The following ZNF329 variants were observed in gnomAD, a reference collection of about 807,000 sequenced individuals.
ZNF329 encodes zinc finger protein 329.
A neutral mutation model predicts 26.6 loss-of-function variants in ZNF329; 15 were observed. The observed-to-expected ratio is 0.56, with a 90% CI of 0.38 to 0.87. ZNF329 has a LOEUF of 0.87. Ranked by LOEUF, ZNF329 falls within the 40% of genes least tolerant of loss-of-function variation. The probability of loss-of-function intolerance (pLI) is 0.00; values close to 1 mark genes in which losing one functional copy is unlikely to be tolerated. For missense variants in ZNF329, 651 were observed against 651.9 expected (o/e 1.00, Z 0.02); for synonymous variants, 239 against 233.5 (o/e 1.02, Z -0.21).
chr19:58,137,058 TAAAA>T (rs11355450), intron 3 of ZNF329: 10 of 123,886 alleles, frequency 8.1e-5, no homozygotes, highest in African/African-American at 2.6e-4. Context: ...TAAGTACAGA[TAAAA>T]AAAAAAAAAA....
rs2074844579 is a variant in ZNF329, at chr19:58,128,181, G to A, written c.1323C>T (p.Gly441=). ...TATGAGTCCTCTGGTGCCTAATGAGGCCAGCGATATTCCTGAAAAGTTTCT... is the reference window on the plus strand; with the variant it reads ...TATGAGTCCTCTGGTGCCTAATGAGACCAGCGATATTCCTGAAAAGTTTCT... The part of the protein sequence containing the change: ...QCQKLFRNIA[G]LIRHQRTHTG... The change falls in exon 4 of 4, where the codon GGC becomes GGT. Residue 441 remains glycine, a synonymous_variant. Transcript: ENST00000598312. 1.9e-6 allele frequency: 3 copies of A among 1,587,054 alleles called. No homozygotes were observed. The highest frequency in any genetic ancestry group is 1.2e-5 in the South Asian group (1 of 85,782).
chr19:58,147,309 G>A (rs1370888804), intron 1 of ZNF329, among the ~76,000 whole-genome samples: 1 of 148,584 alleles, frequency 6.7e-6, no homozygotes, highest in South Asian at 2.1e-4. Flanking sequence ...GAGCCCCTCC[G>A]CCAGGCAGCC....
intron 3 of ZNF329, among the ~76,000 whole-genome samples, chr19:58,133,288 T>TAG (rs2074989198): frequency 6.6e-6 from 1 of 152,196 alleles, no homozygotes; most frequent in African/African-American, 2.4e-5. Context: ...AAAGGTGAGA[T>TAG]AAAGACTGTT....
At chr19:58,150,809 C>T (rs2146146158), upstream of ZNF329, 2 of 152,860 alleles carry the variant, frequency 1.3e-5, 1 homozygote, top group South Asian at 4.1e-4. Flanking sequence ...GCTGCCGGGA[C>T]AAGGATGTGC....
At chr19:58,134,970 AAC>A (rs2075031552) in intron 3 of ZNF329, among the ~76,000 whole-genome samples, 1 of 152,158 alleles carries the variant, frequency 6.6e-6, no homozygotes, top group African/African-American at 2.4e-5. Context: ...ACAACAAAAA[AAC>A]ACAGAGCAAA....
chr19:58,144,063 A>G (rs2075245480), intron 1 of ZNF329, among the ~76,000 whole-genome samples: 1 of 152,100 alleles, frequency 6.6e-6, no homozygotes, highest in Non-Finnish European at 1.5e-5. Context: ...CCCGGGCAAC[A>G]ACAGCGAGAC....
At chr19:58,146,954 G>T (rs2075325728) in intron 1 of ZNF329, among the ~76,000 whole-genome samples, 1 of 152,168 alleles carries the variant, frequency 6.6e-6, no homozygotes, top group Non-Finnish European at 1.5e-5. Flanking sequence ...CGAGAGTGCA[G>T]CCTCTGCCCG....
chr19:58,141,677 A>G (rs2075192201), intron 3 of ZNF329, among the ~76,000 whole-genome samples: 1 of 152,050 alleles, frequency 6.6e-6, no homozygotes. Flanking sequence ...GGATCATTTG[A>G]GCTCAGGAAT....
intron 1 of ZNF329, among the ~76,000 whole-genome samples, chr19:58,144,155 GT>G (rs1226845302): frequency 6.6e-6 from 1 of 151,822 alleles, no homozygotes; most frequent in Admixed American, 6.6e-5. Context: ...AAAATTGTGG[GT>G]TTTTTTGTTG....
chr19:58,140,433 GAC>G (rs1025444936), intron 3 of ZNF329, among the ~76,000 whole-genome samples: 2 of 128,664 alleles, frequency 1.6e-5, no homozygotes, highest in Non-Finnish European at 3.2e-5. Context: ...TTTTTTTTGA[GAC>G]AGAGTCTTGC....
chr19:58,127,750 C>G lies in ZNF329; in HGVS notation c.*128G>C, dbSNP rs1315998151. On this transcript the variant is annotated 3_prime_UTR_variant, in exon 4 of 4. Transcript: ENST00000598312. ...TTAACAGTGTGGCTCAGCAATGTCTCACATTCATCAATTCACTGGATAGCT... is the reference window on the plus strand; with the variant it reads ...TTAACAGTGTGGCTCAGCAATGTCTGACATTCATCAATTCACTGGATAGCT... 3.1e-6 allele frequency: 3 copies of G among 958,322 alleles called. No individual in the cohort carries two copies. In the Admixed American group the frequency reaches 7.6e-5, roughly 24 times the overall value. The allele number at this position is 958,322 out of a possible 1,614,324, so 59.4% of individuals were successfully genotyped here.
intron 3 of ZNF329, among the ~76,000 whole-genome samples, chr19:58,141,330 G>T (rs1038762950): frequency 6.7e-6 from 1 of 149,976 alleles, no homozygotes; most frequent in East Asian, 2.0e-4. Flanking sequence ...ACAGAGTCTC[G>T]CTGTGTTGCC....
In ZNF329 at chr19:58,144,389, TATATATA is replaced by T. The variant is rs1568672262; in HGVS notation, c.-207-1198_-207-1192del. 4.5e-4 allele frequency among the ~76,000 whole-genome samples: 48 copies of T among 107,290 alleles called. 1 individual carries two copies. The highest frequency in any genetic ancestry group is 2.3e-3 in the East Asian group (9 of 3,978). 70.4% of individuals were successfully genotyped at this position (107,290 alleles called of 152,430 possible). ...CTATCTATCTATCTATCTATATATA[TATATATA>T]TTTTTTTTTTGAGACGGAGTCTCGC... On this transcript the variant is annotated intron_variant, in intron 1 of 3. Transcript: ENST00000598312.
intron 3 of ZNF329, among the ~76,000 whole-genome samples, chr19:58,138,212 T>G (rs574048220): frequency 6.6e-6 from 1 of 152,202 alleles, no homozygotes; most frequent in South Asian, 2.1e-4. Flanking sequence ...GAAAGTAATA[T>G]GAAAAAAATC....
At chr19:58,131,470 C>T (rs537242832) in intron 3 of ZNF329, among the ~76,000 whole-genome samples, 200 of 152,210 alleles carry the variant, frequency 1.3e-3, no homozygotes, top group African/African-American at 4.7e-3. Context: ...AGTCTGATAT[C>T]AGCATTCAAA....
upstream of ZNF329, among the ~76,000 whole-genome samples, chr19:58,151,177 A>C (rs1185980740): frequency 6.6e-6 from 1 of 152,192 alleles, no homozygotes; most frequent in Non-Finnish European, 1.5e-5. Flanking sequence ...AAATGACTAG[A>C]TCTAAGAAAT....
At chr19:58,154,679 G>A, upstream of ZNF329, 1 of 148,294 alleles carries the variant, frequency 6.7e-6, no homozygotes, top group Non-Finnish European at 1.5e-5. Context: ...CTGGGGGTGA[G>A]GGGGACTCGC....
Position 58,128,015 on chromosome 19 carries a change from G to GA in ZNF329, c.1488dup (p.His497SerfsTer10). ...TGGAGTCTCTGATGTACTGCCAGGT[G>GA]AGAGTTCTGCTTGAAGGACTTCCCA... On this transcript the variant is annotated frameshift_variant, in exon 4 of 4. Coordinates refer to ENST00000598312, the MANE Select transcript of ZNF329 (RefSeq NM_024620.4). LOFTEE classifies it low-confidence loss of function (END_TRUNC). 6.2e-7 allele frequency: 1 copy of GA among 1,614,070 alleles called. No individual in the cohort carries two copies. The highest frequency in any genetic ancestry group is 2.2e-5 in the East Asian group (1 of 44,864).
chr19:58,142,428 G>T (rs1460383788), intron 3 of ZNF329, 129 bp downstream of exon 3: 2 of 152,658 alleles, frequency 1.3e-5, no homozygotes, highest in Non-Finnish European at 2.9e-5. Context: ...TGTCGAGTCT[G>T]TAAGGGTCAG....
Sources: allele counts gnomAD v4.1 joint callset (sites outside exome capture counted in the v4.1 genomes callset), GRCh38; gene constraint gnomAD v4.1.1; transcripts MANE v1.5; gene names NCBI Gene and HGNC (gene_info 2026-07-23, HGNC 2026-07-21).